CTNNA1: variants seen among roughly 807,000 people sequenced by gnomAD.
CTNNA1 encodes catenin alpha 1.
Under a neutral mutation model 98.4 loss-of-function variants are expected in CTNNA1, and 37 were observed. The observed-to-expected ratio is 0.38, with a 90% confidence interval of 0.29 to 0.49. CTNNA1 has a LOEUF of 0.49. Ranked by LOEUF, CTNNA1 falls within the 20% of genes least tolerant of loss-of-function variation. CTNNA1 has a pLI of 0.95. For missense variants in CTNNA1, 761 were observed against 1,147.2 expected, an observed-to-expected ratio of 0.66 and a Z score of 4.86; for synonymous variants, 404 against 413.2, an observed-to-expected ratio of 0.98 and a Z score of 0.27.
intron 1 of CTNNA1, among the ~76,000 whole-genome samples, chr5:138,760,303 T>C (rs911329617): frequency 2.6e-5 from 4 of 151,758 alleles, no homozygotes; most frequent in African/African-American, 9.7e-5. Context: ...CGGATTTCTT[T>C]CCTTTTAAAG....
At chr5:138,927,773 C>T (rs1229730041) in intron 13 of CTNNA1, among the ~76,000 whole-genome samples, 1 of 151,952 alleles carries the variant, frequency 6.6e-6, no homozygotes, top group African/African-American at 2.4e-5. Context: ...TTGGCAAGAA[C>T]GGTTCTTGGG....
At chr5:138,821,391 GCTT>G (rs2149764967) in intron 5 of CTNNA1, among the ~76,000 whole-genome samples, 1 of 152,256 alleles carries the variant, frequency 6.6e-6, no homozygotes, top group Admixed American at 6.5e-5. Context: ...ATAATGTAAT[GCTT>G]CTTATTTATT....
intron 7 of CTNNA1, among the ~76,000 whole-genome samples, chr5:138,829,008 G>C (rs1760997305): frequency 6.6e-6 from 1 of 152,150 alleles, no homozygotes; most frequent in African/African-American, 2.4e-5. Flanking sequence ...CCTGGTCTCA[G>C]CTACTCGGGA....
chr5:138,875,664 G>C (rs374678759), intron 7 of CTNNA1: 1 of 985,440 alleles, frequency 1.0e-6, no homozygotes, highest in Non-Finnish European at 1.2e-6. Context: ...TGCCGATTCT[G>C]CATAGAGAGA....
At chr5:138,932,758 C>A in intron 17 of CTNNA1, 46 bp downstream of exon 17, 1 of 1,609,780 alleles carries the variant, frequency 6.2e-7, no homozygotes. Flanking sequence ...AACGTGCTGA[C>A]CCTTGTCAGA....
intron 13 of CTNNA1, among the ~76,000 whole-genome samples, chr5:138,927,594 C>A (rs1764371987): frequency 6.6e-6 from 1 of 151,818 alleles, no homozygotes; most frequent in South Asian, 2.1e-4. Flanking sequence ...TTTGATGTGT[C>A]ATATAATTCA....
intron 4 of CTNNA1, among the ~76,000 whole-genome samples, chr5:138,810,487 G>T (rs1208130805): frequency 6.6e-6 from 1 of 152,032 alleles, no homozygotes; most frequent in Non-Finnish European, 1.5e-5. Flanking sequence ...TATTTTCCTT[G>T]TAGAGTTCTG....
intron 1 of CTNNA1, among the ~76,000 whole-genome samples, chr5:138,770,701 C>G (rs1753447986): frequency 6.6e-6 from 1 of 152,174 alleles, no homozygotes; most frequent in East Asian, 1.9e-4. Flanking sequence ...GCCTTTAATC[C>G]CAGCACTTTG....
intron 7 of CTNNA1, among the ~76,000 whole-genome samples, chr5:138,861,329 A>G (rs1212738945): frequency 2.0e-5 from 3 of 152,092 alleles, no homozygotes; most frequent in Non-Finnish European, 4.4e-5. Flanking sequence ...CTCTGAACGC[A>G]CTTCTTAATG....
At chr5:138,789,394 CAGTG>C (rs758092141) in intron 3 of CTNNA1, among the ~76,000 whole-genome samples, 20 of 152,242 alleles carry the variant, frequency 1.3e-4, no homozygotes, top group Admixed American at 5.9e-4. Context: ...GCATGAGAAA[CAGTG>C]AGGTCCCTGG....
chr5:138,868,520 A>C (rs1298526982), intron 7 of CTNNA1, among the ~76,000 whole-genome samples: 2 of 152,102 alleles, frequency 1.3e-5, no homozygotes, highest in Non-Finnish European at 2.9e-5. Flanking sequence ...GCTGTTGGCT[A>C]GATACAGGCA....
chr5:138,867,122 G>A (rs1444778055), intron 7 of CTNNA1, among the ~76,000 whole-genome samples: 1 of 152,178 alleles, frequency 6.6e-6, no homozygotes, highest in African/African-American at 2.4e-5. Context: ...ATCAAGTATA[G>A]GAATGTGTTC....
intron 6 of CTNNA1, among the ~76,000 whole-genome samples, chr5:138,825,114 T>G (rs531135612): frequency 6.6e-6 from 1 of 152,270 alleles, no homozygotes; most frequent in Non-Finnish European, 1.5e-5. Flanking sequence ...CTGGCAGATG[T>G]GAAGCTATGG....
At chr5:138,783,426 G>T (rs929730841) in intron 3 of CTNNA1, 54 bp downstream of exon 3, 1 of 1,492,936 alleles carries the variant, frequency 6.7e-7, no homozygotes, top group Non-Finnish European at 9.1e-7. Context: ...TAGAAAATCA[G>T]TGTTTGAAGA....
intron 3 of CTNNA1, among the ~76,000 whole-genome samples, chr5:138,802,837 G>C (rs1030297316): frequency 6.6e-6 from 1 of 152,168 alleles, no homozygotes; most frequent in Non-Finnish European, 1.5e-5. Flanking sequence ...TCTTGCGCTG[G>C]AGTGGTCTGG....
At chr5:138,848,088 A>G (rs1163991179) in intron 7 of CTNNA1, among the ~76,000 whole-genome samples, 1 of 152,236 alleles carries the variant, frequency 6.6e-6, no homozygotes, top group Non-Finnish European at 1.5e-5. Flanking sequence ...TGTTTGAACT[A>G]CATTTACTAA....
intron 6 of CTNNA1, among the ~76,000 whole-genome samples, chr5:138,826,667 G>T (rs1345238406): frequency 6.6e-6 from 1 of 152,204 alleles, no homozygotes; most frequent in Non-Finnish European, 1.5e-5. Context: ...GACATAACAG[G>T]ATAAATTTGA....
At chr5:138,906,983 G>A (rs1467233451) in intron 10 of CTNNA1, among the ~76,000 whole-genome samples, 1 of 152,054 alleles carries the variant, frequency 6.6e-6, no homozygotes, top group Non-Finnish European at 1.5e-5. Context: ...CCCCGTTATT[G>A]CCAGATCCCT....
intron 1 of CTNNA1, among the ~76,000 whole-genome samples, chr5:138,772,986 A>T (rs530087645): frequency 1.2e-4 from 19 of 152,340 alleles, no homozygotes; most frequent in African/African-American, 4.3e-4. Context: ...TAGATGATAA[A>T]ACCAAGGATC....
Sources: allele counts gnomAD v4.1 joint callset (sites outside exome capture counted in the v4.1 genomes callset), GRCh38; gene constraint gnomAD v4.1.1; transcripts MANE v1.5; gene names NCBI Gene and HGNC (gene_info 2026-07-23, HGNC 2026-07-21).